The following COCH variants were observed in gnomAD, a reference collection of about 807,000 sequenced individuals.
COCH encodes the protein cochlin.
In COCH, 40 loss-of-function variants were observed where a neutral mutation model predicts 54.8. That is an observed-to-expected ratio of 0.73 (90% CI 0.57 to 0.95). COCH has a LOEUF of 0.95. Among genes scored for constraint, COCH ranks in the 40% least tolerant of loss-of-function variants. The pLI is 0.00. For missense variants in COCH, 605 were observed against 675.0 expected, an observed-to-expected ratio of 0.90 and a Z score of 1.15; for synonymous variants, 256 against 237.9, an observed-to-expected ratio of 1.08 and a Z score of -0.70.
Position 30,874,910 on chromosome 14 carries a change from T to A in COCH, c.-23-6T>A, listed in dbSNP as rs781298231. The A allele has an allele frequency of 6.2e-7, 1 of 1,613,160 alleles. No individual in the cohort carries two copies. On this transcript the variant is annotated splice_polypyrimidine_tract_variant and splice_region_variant and intron_variant, in intron 1 of 11. Transcript: ENST00000396618. Reference sequence around the variant, plus strand: ...TGGCCTTGCCCGCATTCTCCCTCTCTCCCAGGTGTGAGCAGCCTATCAGTC... The same window carrying A: ...TGGCCTTGCCCGCATTCTCCCTCTCACCCAGGTGTGAGCAGCCTATCAGTC...
At chr14:30,888,693 G>T (rs1895876686) in intron 11 of COCH, among the ~76,000 whole-genome samples, 1 of 151,758 alleles carries the variant, frequency 6.6e-6, no homozygotes, top group African/African-American at 2.4e-5. Context: ...GGATGGGGGT[G>T]CTGAGGAGGA....
rs547567221 is a variant in COCH, at chr14:30,880,083, G to T, written c.437-369G>T. Among the ~76,000 whole-genome samples the T allele has an allele frequency of 5.3e-5, 8 of 152,282 alleles. No individual in the cohort carries two copies. In the East Asian group the frequency reaches 1.4e-3, roughly 26 times the overall value. The stretch of plus-strand genomic sequence containing the variant: ...ATTAAATTCCTTTAATTACTGCACT[G>T]TCATGTGACTAAAAGGAATGTGTGT... On this transcript the variant is annotated intron_variant, in intron 6 of 11. Coordinates refer to ENST00000396618, the MANE Select transcript of COCH (RefSeq NM_004086.3).
rs372353427 is a variant in COCH, at chr14:30,886,856, G to A, written c.1477+544G>A. Among the ~76,000 whole-genome samples, 49 of 152,218 alleles carry A rather than the reference G, an allele frequency of 3.2e-4. 1 individual carries two copies. Among genetic ancestry groups the A allele is most frequent in the African/African-American group, 1.1e-3 (44 of 41,542 alleles). ...TGTCAGCCTTCCAAATAGCTAGGACGACAGGCACATGCCACTGCCCCTGGC... is the reference window on the plus strand; with the variant it reads ...TGTCAGCCTTCCAAATAGCTAGGACAACAGGCACATGCCACTGCCCCTGGC... On this transcript the variant is annotated intron_variant, in intron 11 of 11. Coordinates refer to ENST00000396618, the MANE Select transcript of COCH (RefSeq NM_004086.3).
downstream of COCH, chr14:30,893,955 T>C (rs929851135): frequency 6.6e-6 from 1 of 152,640 alleles, no homozygotes; most frequent in Non-Finnish European, 1.5e-5. Context: ...ATGTTTGCTA[T>C]GTGGTACAAT....
At chr14:30,895,518 C>T, downstream of COCH, 1 of 1,614,082 alleles carries the variant, frequency 6.2e-7, no homozygotes, top group African/African-American at 1.3e-5. Context: ...TTTCTGTGAG[C>T]TGTTATTTCT....
chr14:30,879,731 C>A lies in COCH; in HGVS notation c.436+246C>A, dbSNP rs7140258. ...CAATCATAGCTCACTGCAGCCTTAA[C>A]CTCCTAGGCTCAAGCAATCTTCTCA... On this transcript the variant is annotated intron_variant, in intron 6 of 11. Coordinates refer to ENST00000396618, the MANE Select transcript of COCH (RefSeq NM_004086.3). Among the ~76,000 whole-genome samples, 56,001 of 152,106 alleles carry A rather than the reference C, an allele frequency of 0.37. 11,419 individuals are homozygous for A. Among genetic ancestry groups the A allele is most frequent in the African/African-American group, 0.56 (23,184 of 41,468 alleles).
In COCH at chr14:30,886,112, C is replaced by T. The variant is rs1364945730; in HGVS notation, c.1277C>T (p.Thr426Ile). 3.1e-6 allele frequency: 5 copies of T among 1,613,834 alleles called. No individual in the cohort carries two copies. The highest frequency in any genetic ancestry group is 1.6e-4 in the Middle Eastern group (1 of 6,084). ...RTEFSFTDYS[T>I]KENVLAVIRN... ...GAGTTCAGTTTCACTGACTATAGCA[C>T]CAAAGAGAATGTCCTAGCTGTCATC... Residue 426 changes from threonine to isoleucine, a missense_variant, in exon 11 of 12, where the codon ACC (threonine) becomes ATC (isoleucine). Transcript: ENST00000396618.
chr14:30,886,874 C>T (rs1054280297), intron 11 of COCH, among the ~76,000 whole-genome samples: 9 of 152,172 alleles, frequency 5.9e-5, no homozygotes, highest in South Asian at 2.1e-4. Flanking sequence ...CATGCCACTG[C>T]CCCTGGCTAA....
intron 8 of COCH, among the ~76,000 whole-genome samples, chr14:30,882,690 T>G (rs919478677): frequency 1.3e-5 from 2 of 152,144 alleles, no homozygotes; most frequent in Non-Finnish European, 2.9e-5. Flanking sequence ...TCAGGTTAGA[T>G]TTCTAAAAGT....
downstream of COCH, among the ~76,000 whole-genome samples, chr14:30,892,617 G>A (rs567382201): frequency 2.0e-5 from 3 of 152,218 alleles, no homozygotes; most frequent in South Asian, 4.1e-4. Flanking sequence ...AGACCTGCCT[G>A]ACCAACATGG....
chr14:30,895,342 T>A, downstream of COCH: 1 of 1,462,798 alleles, frequency 6.8e-7, no homozygotes, highest in Non-Finnish European at 9.1e-7. Flanking sequence ...CAGTAACCTT[T>A]CTGATGGCAG....
At chr14:30,885,004 T>A in intron 9 of COCH, 1 of 1,598,346 alleles carries the variant, frequency 6.3e-7, no homozygotes. Flanking sequence ...AAAGAATGAG[T>A]AGCACTACCG....
At chr14:30,881,122 G>A (rs1382786440) in intron 8 of COCH, among the ~76,000 whole-genome samples, 1 of 151,178 alleles carries the variant, frequency 6.6e-6, no homozygotes, top group Non-Finnish European at 1.5e-5. Flanking sequence ...GGCTGAGGCA[G>A]GAGAATCACT....
At chr14:30,882,831 G>C (rs1895661335) in intron 8 of COCH, among the ~76,000 whole-genome samples, 1 of 152,156 alleles carries the variant, frequency 6.6e-6, no homozygotes, top group Non-Finnish European at 1.5e-5. Flanking sequence ...CAAAGCTGCA[G>C]TGAGCTATGA....
intron 7 of COCH, 41 bp from the exon 8 acceptor site, chr14:30,880,545 TC>T: frequency 2.5e-6 from 4 of 1,614,152 alleles, no homozygotes; most frequent in Non-Finnish European, 3.4e-6. Flanking sequence ...CCCTCCCTCC[TC>T]TTGAGACTGC....
At chr14:30,894,615 T>A (rs1896078203), downstream of COCH, 1 of 155,060 alleles carries the variant, frequency 6.4e-6, no homozygotes, top group Non-Finnish European at 1.4e-5. Context: ...TAGTCCTTGG[T>A]TTATGAAGAC....
chr14:30,892,227 ACAAC>A (rs1283285192), downstream of COCH, among the ~76,000 whole-genome samples: 1 of 152,228 alleles, frequency 6.6e-6, no homozygotes, highest in East Asian at 1.9e-4. Context: ...AGAGAAAAAT[ACAAC>A]CAAAGGAGAT....
Position 30,884,657 on chromosome 14 carries a change from G to T in COCH, c.733+1G>T, listed in dbSNP as rs1425056158. ...TTCAGAGGGGGTAATTCCAATACAG[G>T]TAAGTAGACTTTGATACCTGGGATG... On this transcript the variant is annotated splice_donor_variant, in intron 9 of 11. Transcript: ENST00000396618. LOFTEE classifies it high-confidence loss of function. The T allele has an allele frequency of 6.3e-7, 1 of 1,592,838 alleles. No individual in the cohort carries two copies. Among genetic ancestry groups the T allele is most frequent in the Non-Finnish European group, 8.6e-7 (1 of 1,160,898 alleles).
At chr14:30,874,632 C>T (rs540991911) in intron 1 of COCH, 41 bp downstream of exon 1, 21 of 540,366 alleles carry the variant, frequency 3.9e-5, no homozygotes, top group African/African-American at 3.5e-4. Context: ...CGAGGGATCC[C>T]TGACGCCTCT....
Sources: gnomAD v4.1 joint callset for allele counts (sites outside exome capture counted in the v4.1 genomes callset) on GRCh38, gnomAD v4.1.1 for gene constraint, MANE v1.5 for transcripts, NCBI Gene and HGNC (gene_info 2026-07-23, HGNC 2026-07-21) for gene names.